The following LRBA variants were observed in gnomAD, a reference collection of about 807,000 sequenced individuals.
LRBA encodes lipopolysaccharide-responsive and beige-like anchor protein.
Under a neutral mutation model 330.0 loss-of-function variants are expected in LRBA, and 176 were observed. The observed-to-expected ratio is 0.53, with a 90% CI of 0.47 to 0.60. The LOEUF (loss-of-function observed/expected upper bound fraction) is 0.60, where lower values mean the gene tolerates loss of function less well. LRBA is among the 20% of genes least tolerant of loss of function. LRBA has a pLI of 0.00. For missense variants in LRBA, 3,259 were observed against 3,444.8 expected, an observed-to-expected ratio of 0.95 and a Z score of 1.35; for synonymous variants, 1,230 against 1,193.0, an observed-to-expected ratio of 1.03 and a Z score of -0.64.
At chr4:150,964,563 A>C (rs1004913597) in intron 2 of LRBA, among the ~76,000 whole-genome samples, 23 of 150,534 alleles carry the variant, frequency 1.5e-4, no homozygotes, top group Non-Finnish European at 2.8e-4. Context: ...TGTGTCCACT[A>C]AGGGTTAAAT....
chr4:150,354,044 A>G (rs2151826874), intron 47 of LRBA, among the ~76,000 whole-genome samples: 1 of 152,230 alleles, frequency 6.6e-6, no homozygotes, highest in South Asian at 2.1e-4. Context: ...CTGCCTAACC[A>G]AAAGTAGGTA....
chr4:150,866,274 T>C (rs17589629), intron 22 of LRBA, among the ~76,000 whole-genome samples: 1,674 of 152,290 alleles, frequency 0.011, 8 homozygotes, highest in Non-Finnish European at 0.017. Context: ...GAAATGTAAA[T>C]TTTCCTCAGA....
chr4:150,872,422 CA>C (rs1262732765), intron 18 of LRBA, among the ~76,000 whole-genome samples: 3 of 152,002 alleles, frequency 2.0e-5, no homozygotes, highest in African/African-American at 7.2e-5. Context: ...GCAAGCTGTC[CA>C]AACTAATTCT....
intron 36 of LRBA, among the ~76,000 whole-genome samples, chr4:150,716,115 A>AC (rs1728168075): frequency 6.7e-6 from 1 of 150,312 alleles, no homozygotes; most frequent in African/African-American, 2.4e-5. Context: ...GATAACAACA[A>AC]AAAAAAAAAT....
intron 2 of LRBA, among the ~76,000 whole-genome samples, chr4:150,937,354 G>GT (rs1455779290): frequency 6.6e-6 from 1 of 151,992 alleles, no homozygotes; most frequent in East Asian, 1.9e-4. Context: ...CATAATCCAG[G>GT]TACAGGCATT....
intron 40 of LRBA, among the ~76,000 whole-genome samples, chr4:150,542,314 C>A (rs1765394759): frequency 6.6e-6 from 1 of 152,152 alleles, no homozygotes; most frequent in South Asian, 2.1e-4. Flanking sequence ...TAATTAATTT[C>A]TCTTAGCTCA....
At chr4:150,457,636 CCTT>C (rs1385984424) in intron 44 of LRBA, among the ~76,000 whole-genome samples, 2 of 151,518 alleles carry the variant, frequency 1.3e-5, no homozygotes, top group African/African-American at 2.4e-5. Context: ...TTTTAAATGT[CCTT>C]CTACTAAATT....
intron 49 of LRBA, among the ~76,000 whole-genome samples, chr4:150,324,992 T>C (rs1733046147): frequency 6.6e-6 from 1 of 152,114 alleles, no homozygotes; most frequent in Admixed American, 6.6e-5. Flanking sequence ...GTAGCTCAAG[T>C]CTATTTCCGT....
chr4:150,267,867 C>G (rs1745567001), intron 56 of LRBA, among the ~76,000 whole-genome samples: 1 of 152,070 alleles, frequency 6.6e-6, no homozygotes, highest in East Asian at 1.9e-4. Context: ...CGAGACCAGC[C>G]TGGCCAACCC....
intron 37 of LRBA, among the ~76,000 whole-genome samples, chr4:150,610,344 C>G (rs920878804): frequency 6.6e-6 from 1 of 152,126 alleles, no homozygotes; most frequent in Non-Finnish European, 1.5e-5. Context: ...AATCCCAGCA[C>G]TTTGGGAGGC....
chr4:150,990,684 T>G (rs925104345), intron 2 of LRBA, among the ~76,000 whole-genome samples: 14 of 152,218 alleles, frequency 9.2e-5, no homozygotes, highest in African/African-American at 3.4e-4. Flanking sequence ...TACAGTGAAC[T>G]GGGATCACAC....
chr4:150,713,953 C>T (rs72959861), intron 36 of LRBA, among the ~76,000 whole-genome samples: 10,010 of 152,076 alleles, frequency 0.066, 1,026 homozygotes, highest in African/African-American at 0.22. Context: ...GAGTGTGCTC[C>T]TAACAAAAAT....
rs149840917 is a variant in LRBA, at chr4:150,269,354, A to C, written c.8469-3542T>G. On this transcript the variant is annotated intron_variant, in intron 56 of 56. Coordinates refer to ENST00000651943, the MANE Select transcript of LRBA (RefSeq NM_001364905.1). Reference sequence around the variant, plus strand: ...GAAATAATCCCTCACATATGTGCTCAAATAGGGTGCCAAGACCTTTCAACG... The same window carrying C: ...GAAATAATCCCTCACATATGTGCTCCAATAGGGTGCCAAGACCTTTCAACG... 1.0e-3 allele frequency among the ~76,000 whole-genome samples: 154 copies of C among 152,346 alleles called. 5 individuals are homozygous for C. In the East Asian group the frequency reaches 0.027, roughly 27 times the overall value.
chr4:151,001,000 A>G (rs571561073), intron 2 of LRBA, among the ~76,000 whole-genome samples: 33 of 152,330 alleles, frequency 2.2e-4, no homozygotes, highest in African/African-American at 7.5e-4. Flanking sequence ...GGGAGCCCCT[A>G]GGACCTCATG....
At chr4:150,775,560 G>A (rs570124562) in intron 34 of LRBA, among the ~76,000 whole-genome samples, 9 of 151,336 alleles carry the variant, frequency 5.9e-5, no homozygotes, top group African/African-American at 1.5e-4. Flanking sequence ...TAAAAGAAGC[G>A]TCTAACATAA....
rs2126510142 is a variant in LRBA at position 150,599,087 on chromosome 4, A to G, written c.5966T>C (p.Leu1989Ser). ...FWRLDYWEDD[L>S]RRRRRFVRNP... ...ACGCACAAATCGTCGCCGGCGCCGC[A>G]AGTCATCTTCCCAGTAGTCAAGGCG... is the stretch of plus-strand genomic sequence containing the variant. Residue 1989 changes from leucine to serine, a missense_variant, in exon 38 of 57, where the codon TTG (leucine) becomes TCG (serine). Physicochemically the swap from Leu to Ser is moderately radical, Grantham distance 145. Coordinates refer to ENST00000651943, the MANE Select transcript of LRBA (RefSeq NM_001364905.1). 1.9e-6 allele frequency: 3 copies of G among 1,614,038 alleles called. No individual in the cohort carries two copies. Among genetic ancestry groups the G allele is most frequent in the East Asian group, 2.2e-5 (1 of 44,858 alleles).
intron 2 of LRBA, among the ~76,000 whole-genome samples, chr4:150,975,755 A>T (rs1288402623): frequency 6.6e-6 from 1 of 152,086 alleles, no homozygotes; most frequent in East Asian, 1.9e-4. Context: ...AATCAATATA[A>T]ATTATTTAAC....
At chr4:150,916,368 TTAACA>T in intron 7 of LRBA, 28 bp downstream of exon 7, 1 of 1,600,916 alleles carries the variant, frequency 6.2e-7, no homozygotes, top group Non-Finnish European at 8.5e-7. Context: ...GCATAGCTTG[TTAACA>T]TAACTATGAC....
At position 150,851,929 on chromosome 4, in the gene LRBA, T is replaced by C. The variant is rs1426186164; in HGVS notation, c.3781A>G (p.Ser1261Gly). ...GGTTGAGGTGCTTCCACGTTGGGAC[T>C]GGCCTTCAACTCCAGCCTCTCAGTA... is the stretch of plus-strand genomic sequence containing the variant. ...TDTERLELKA[S>G]PNVEAPQPHR... Residue 1261 changes from serine to glycine, a missense_variant, in exon 23 of 57, where the codon AGT becomes GGT. Coordinates refer to ENST00000651943, the MANE Select transcript of LRBA (RefSeq NM_001364905.1). 1 of 1,614,052 alleles carries C rather than the reference T, an allele frequency of 6.2e-7. No individual in the cohort carries two copies. Among genetic ancestry groups the C allele is most frequent in the Admixed American group, 1.7e-5 (1 of 60,024 alleles).
Sources: gnomAD v4.1 joint callset for allele counts (sites outside exome capture counted in the v4.1 genomes callset) on GRCh38, gnomAD v4.1.1 for gene constraint, MANE v1.5 for transcripts, NCBI Gene and HGNC (gene_info 2026-07-23, HGNC 2026-07-21) for gene names.